KCNQ5: variants seen among roughly 807,000 people sequenced by gnomAD.
The protein encoded by KCNQ5 is potassium voltage-gated channel subfamily KQT member 5.
KCNQ5 carries 30 observed loss-of-function variants against 98.2 expected under a neutral mutation model. The ratio of observed to expected loss-of-function variants is 0.31; its 90% CI spans 0.23 to 0.41. The LOEUF (loss-of-function observed/expected upper bound fraction) is 0.41, where lower values mean the gene tolerates loss of function less well. Among genes scored for constraint, KCNQ5 ranks in the 10% least tolerant of loss-of-function variants. The pLI is 1.00. For missense variants in KCNQ5, 835 were observed against 1,182.5 expected (o/e 0.71, Z 4.31); for synonymous variants, 458 against 449.4 (o/e 1.02, Z -0.24).
intron 10 of KCNQ5, among the ~76,000 whole-genome samples, chr6:73,142,762 A>G (rs1297778723): frequency 6.6e-6 from 1 of 152,020 alleles, no homozygotes; most frequent in Non-Finnish European, 1.5e-5. Context: ...CTAAAAATAC[A>G]AAAATTAGCC....
At chr6:73,045,295 T>G (rs1771911614) in intron 3 of KCNQ5, among the ~76,000 whole-genome samples, 1 of 152,240 alleles carries the variant, frequency 6.6e-6, no homozygotes, top group African/African-American at 2.4e-5. Flanking sequence ...ATTTAACTTT[T>G]TTTAATTAGG....
intron 1 of KCNQ5, among the ~76,000 whole-genome samples, chr6:72,710,246 A>G (rs998546763): frequency 1.3e-5 from 2 of 152,206 alleles, no homozygotes; most frequent in African/African-American, 2.4e-5. Context: ...TCCCCCCAAA[A>G]TACAAAATTT....
At chr6:72,686,959 C>G (rs1767989321) in intron 1 of KCNQ5, among the ~76,000 whole-genome samples, 1 of 151,948 alleles carries the variant, frequency 6.6e-6, no homozygotes, top group African/African-American at 2.4e-5. Flanking sequence ...ATATGATTAT[C>G]TACTGATTTT....
At chr6:72,680,356 TATTTC>T (rs1276417071) in intron 1 of KCNQ5, among the ~76,000 whole-genome samples, 1 of 152,240 alleles carries the variant, frequency 6.6e-6, no homozygotes, top group East Asian at 1.9e-4. Context: ...CATGTATGAA[TATTTC>T]ATTTCTTTTT....
At chr6:72,645,375 G>C (rs1765541622) in intron 1 of KCNQ5, among the ~76,000 whole-genome samples, 1 of 120,478 alleles carries the variant, frequency 8.3e-6, no homozygotes. Flanking sequence ...GATACAGCAA[G>C]ACCTTGTCTC....
chr6:72,863,180 A>T (rs556944930), intron 1 of KCNQ5, among the ~76,000 whole-genome samples: 1 of 152,296 alleles, frequency 6.6e-6, no homozygotes, highest in African/African-American at 2.4e-5. Flanking sequence ...ACATAGGAAA[A>T]GTATGGCCCC....
intron 1 of KCNQ5, among the ~76,000 whole-genome samples, chr6:72,669,963 A>T (rs1294964366): frequency 1.4e-5 from 2 of 144,966 alleles, no homozygotes; most frequent in Admixed American, 1.4e-4. Flanking sequence ...CAAATCTCTC[A>T]GTTCTGGTTC....
chr6:72,779,706 A>G (rs762274315), intron 1 of KCNQ5, among the ~76,000 whole-genome samples: 9 of 152,212 alleles, frequency 5.9e-5, no homozygotes, highest in Non-Finnish European at 8.8e-5. Flanking sequence ...GTGCAGTGGC[A>G]CAAGAATGGC....
At chr6:72,855,087 C>G (rs753144079) in intron 1 of KCNQ5, among the ~76,000 whole-genome samples, 30 of 151,988 alleles carry the variant, frequency 2.0e-4, no homozygotes, top group African/African-American at 4.6e-4. Flanking sequence ...CAAGCCTCAC[C>G]CAATATAAAT....
chr6:72,762,464 T>C (rs909629136), intron 1 of KCNQ5, among the ~76,000 whole-genome samples: 12 of 152,098 alleles, frequency 7.9e-5, no homozygotes, highest in Non-Finnish European at 1.8e-4. Context: ...ACACACTTTT[T>C]GATCGAAGAC....
chr6:73,041,897 A>G (rs183874659), intron 2 of KCNQ5, 39 bp from the exon 3 acceptor site: 1 of 1,613,132 alleles, frequency 6.2e-7, no homozygotes, highest in South Asian at 1.1e-5. Context: ...GGTTTGCTCC[A>G]TAATGCTTCT....
At chr6:72,941,020 C>T (rs1158977029) in intron 1 of KCNQ5, among the ~76,000 whole-genome samples, 6 of 152,084 alleles carry the variant, frequency 3.9e-5, no homozygotes, top group Non-Finnish European at 5.9e-5. Context: ...ACATTAGTGT[C>T]GAGTGGGGTC....
intron 1 of KCNQ5, among the ~76,000 whole-genome samples, chr6:72,649,113 C>A (rs754215436): frequency 6.6e-6 from 1 of 152,096 alleles, no homozygotes. Flanking sequence ...TTGTCCTGCT[C>A]GCAGATGTGC....
intron 2 of KCNQ5, among the ~76,000 whole-genome samples, chr6:73,033,906 C>T (rs1190591191): frequency 6.6e-6 from 1 of 152,092 alleles, no homozygotes; most frequent in Non-Finnish European, 1.5e-5. Flanking sequence ...ACTAATATAC[C>T]TTCCCAAAAA....
intron 1 of KCNQ5, among the ~76,000 whole-genome samples, chr6:72,758,521 T>C (rs1250553441): frequency 6.6e-6 from 1 of 152,120 alleles, no homozygotes; most frequent in African/African-American, 2.4e-5. Context: ...AATATTCTCC[T>C]AACTAAGAGC....
At position 73,194,926 on chromosome 6, in the gene KCNQ5, G is replaced by T. The variant is rs1765729893; in HGVS notation, c.2311G>T (p.Ala771Ser). Residue 771 changes from alanine to serine, a missense_variant, in exon 14 of 14, where the codon GCA (alanine) becomes TCA (serine). Around this residue, in one of 10 missense-constraint regions of KCNQ5, gnomAD observed 416 missense variants for 446.9 expected, o/e 0.93. Transcript: ENST00000370398. ...PRPETLHPNP[A>S]GLQESISDVT... is the part of the protein sequence containing the mutation. ...GCCAGAAACTCTGCACCCTAACCCT[G>T]CAGGCTTACAGGAAAGCATTTCTGA... 4.3e-6 allele frequency: 7 copies of T among 1,614,032 alleles called. No homozygotes were observed. Among genetic ancestry groups the T allele is most frequent in the Non-Finnish European group, 5.9e-6 (7 of 1,180,034 alleles).
At chr6:72,959,870 TC>T (rs1265738135) in intron 1 of KCNQ5, among the ~76,000 whole-genome samples, 1 of 152,226 alleles carries the variant, frequency 6.6e-6, no homozygotes, top group African/African-American at 2.4e-5. Context: ...GTGAAAAGTG[TC>T]TTGAGTGTGT....
chr6:72,809,403 A>T (rs78056088), intron 1 of KCNQ5, among the ~76,000 whole-genome samples: 1 of 152,246 alleles, frequency 6.6e-6, no homozygotes, highest in East Asian at 1.9e-4. Context: ...AATAAAAAAA[A>T]TAGCCAGGCG....
chr6:72,783,993 C>G (rs1773614683), intron 1 of KCNQ5, among the ~76,000 whole-genome samples: 1 of 152,170 alleles, frequency 6.6e-6, no homozygotes, highest in East Asian at 1.9e-4. Flanking sequence ...GAAATATGTT[C>G]TCTAATACCC....
Sources: gnomAD v4.1 joint callset for allele counts (sites outside exome capture counted in the v4.1 genomes callset) on GRCh38, gnomAD v4.1.1 for gene constraint, gnomAD v4.1.1 regional missense constraint, MANE v1.5 for transcripts, NCBI Gene and HGNC (gene_info 2026-07-23, HGNC 2026-07-21) for gene names.